The following TTN variants were observed in gnomAD, a reference collection of about 807,000 sequenced individuals.
TTN encodes the protein titin, also known as connectin.
A neutral mutation model predicts 3,223.0 loss-of-function variants in TTN; 1,525 were observed. That is an observed-to-expected ratio of 0.47 (90% CI 0.45 to 0.49). TTN has a LOEUF of 0.49. TTN is among the 20% of genes least tolerant of loss of function. The pLI is 0.00. For missense variants in TTN, 40,786 were observed against 43,424.0 expected (o/e 0.94, Z 5.40); for synonymous variants, 14,094 against 15,161.0 (o/e 0.93, Z 5.17).
intron 332 of TTN, 87 bp downstream of exon 332, chr2:178,554,365 TA>T: frequency 6.8e-7 from 1 of 1,470,414 alleles, no homozygotes. Context: ...AGGTGTTATA[TA>T]AAAGAAAATT....
In TTN at chr2:178,679,222, T is replaced by C. The variant is rs549972695; in HGVS notation, c.33742+117A>G. 7 of 1,077,322 alleles carry C rather than the reference T, an allele frequency of 6.5e-6. No individual in the cohort carries two copies. In the South Asian group the frequency reaches 7.1e-5, roughly 11 times the overall value. The allele number at this position is 1,077,322 out of a possible 1,614,324, so 66.7% of individuals were successfully genotyped here. ...GCTCCTGTGGCCAGTTGAGAGGCGC[T>C]TGTCATGGCATTAATGTTGTTAATA... On this transcript the variant is annotated intron_variant, in intron 142 of 362. Coordinates refer to ENST00000589042, the MANE Select transcript of TTN (RefSeq NM_001267550.2).
In TTN at chr2:178,748,113, T is replaced by C. The variant is rs759144725; in HGVS notation, c.11311+5011A>G. 5.6e-6 allele frequency: 9 copies of C among 1,613,248 alleles called. 1 individual carries two copies. The South Asian group carries it at 7.7e-5, about 14-fold the overall frequency. ...CTTGCTGCTTTTTTCAAATGTGAGA[T>C]GGAACTTCTGCCTCCATTTTCTAGA... On this transcript the variant is annotated intron_variant, in intron 47 of 362. Transcript: ENST00000589042.
intron 354 of TTN, 43 bp from the exon 355 acceptor site, chr2:178,537,960 A>C (rs1692388422): frequency 6.9e-7 from 1 of 1,455,506 alleles, no homozygotes; most frequent in African/African-American, 1.4e-5. Context: ...GTTAATACTC[A>C]ATCTGTAATC....
rs1196446020 is a variant in TTN, at chr2:178,543,187, G to A, written c.96786C>T (p.His32262=). ...VVTLKPTVLE[H]TVTSLNEGEQ... ...CACCTTCATTTAAGGAAGTAACAGT[G>A]TGCTCTAGGACTGTGGGTTTTAAGG... Residue 32262 remains histidine, a synonymous_variant, in exon 347 of 363, where the codon CAC becomes CAT. Coordinates refer to ENST00000589042, the MANE Select transcript of TTN (RefSeq NM_001267550.2). 6.2e-7 allele frequency: 1 copy of A among 1,613,614 alleles called. No homozygotes were observed. The highest frequency in any genetic ancestry group is 8.5e-7 in the Non-Finnish European group (1 of 1,179,680).
chr2:178,798,630 ACT>A (rs1464763390), intron 6 of TTN: 2 of 152,068 alleles, frequency 1.3e-5, no homozygotes, highest in African/African-American at 2.4e-5. Flanking sequence ...TCTTATTGTG[ACT>A]CTCTTTAATT....
chr2:178,639,673 CA>C (rs1263498770), intron 223 of TTN, 25 bp downstream of exon 223: 22 of 1,607,876 alleles, frequency 1.4e-5, no homozygotes, highest in African/African-American at 2.7e-5. Context: ...AACAAACTAG[CA>C]AAAAGAAAGC....
rs1157212859 is a variant in TTN at position 178,631,023 on chromosome 2, A to G, written c.44014+11T>C. On this transcript the variant is annotated intron_variant, in intron 237 of 362. Transcript: ENST00000589042. ...ATGCTTCAAGAGTGAAACTCATGGA[A>G]ATTTCCTTACCCTCAATGTCAAGTT... The G allele has an allele frequency of 3.7e-6, 6 of 1,612,874 alleles. No homozygotes were observed. The highest frequency in any genetic ancestry group is 5.1e-6 in the Non-Finnish European group (6 of 1,179,512).
At chr2:178,676,797 T>C (rs1178939564) in intron 147 of TTN, among the ~76,000 whole-genome samples, 1 of 151,918 alleles carries the variant, frequency 6.6e-6, no homozygotes, top group Non-Finnish European at 1.5e-5. Context: ...TCATCTTTTT[T>C]TCTTTTTAGC....
At chr2:178,606,599 T>A (rs1003129609) in intron 278 of TTN, among the ~76,000 whole-genome samples, 1 of 151,978 alleles carries the variant, frequency 6.6e-6, no homozygotes, top group Non-Finnish European at 1.5e-5. Context: ...GTATGGGGAC[T>A]TTTTGAATAT....
rs1406730478 is a variant in TTN at position 178,635,972 on chromosome 2, T to C, written c.41599A>G (p.Lys13867Glu). 3 of 1,595,970 alleles carry C rather than the reference T, an allele frequency of 1.9e-6. No homozygotes were observed. The highest frequency in any genetic ancestry group is 2.6e-6 in the Non-Finnish European group (3 of 1,169,144). ...CCAGGAAAGTACTAACCTACTACTT[T>C]TACGCAAGATGAACACTCCAGGTTG... ...ANNLECSSCV[K>E]VVEVIRDWLV... The change falls in exon 226 of 363, where the codon AAA (lysine) becomes GAA (glutamate). Residue 13867 changes from lysine to glutamate, a missense_variant. Transcript: ENST00000589042.
At chr2:178,778,223 C>A (rs762918311) in intron 24 of TTN, 26 of 516,694 alleles carry the variant, frequency 5.0e-5, no homozygotes, top group Admixed American at 9.7e-5. Context: ...GCTCAAAAAT[C>A]TTGGAATAAT....
At chr2:178,529,832 A>G (rs1688265032) in intron 359 of TTN, 128 bp downstream of exon 359, 5 of 1,036,298 alleles carry the variant, frequency 4.8e-6, no homozygotes, top group Non-Finnish European at 6.8e-6. Context: ...TACAAATTGT[A>G]TTCTGGAATT....
chr2:178,684,217 A>G, intron 132 of TTN, 113 bp downstream of exon 132: 2 of 1,382,272 alleles, frequency 1.4e-6, no homozygotes, highest in Non-Finnish European at 2.0e-6. Flanking sequence ...CTGTAACAAC[A>G]ACAACAACAT....
intron 100 of TTN, 76 bp from the exon 101 acceptor site, chr2:178,707,030 C>A: frequency 1.5e-6 from 2 of 1,328,792 alleles, no homozygotes; most frequent in South Asian, 1.4e-5. Flanking sequence ...GTAAAATAAG[C>A]CTTAGGAGGT....
chr2:178,598,110 T>A, intron 292 of TTN, 52 bp from the exon 293 acceptor site: 3 of 1,569,496 alleles, frequency 1.9e-6, no homozygotes, highest in Non-Finnish European at 2.6e-6. Context: ...TTGTAGCTTC[T>A]TGCTTTAATG....
At chr2:178,643,876 GA>G (rs1436050744) in intron 218 of TTN, among the ~76,000 whole-genome samples, 5 of 151,888 alleles carry the variant, frequency 3.3e-5, no homozygotes, top group Non-Finnish European at 5.9e-5. Context: ...CTACCCATTA[GA>G]AAAATTATGT....
At chr2:178,736,184 G>C in intron 49 of TTN, 110 bp from the exon 50 acceptor site, 2 of 983,398 alleles carry the variant, frequency 2.0e-6, no homozygotes, top group Non-Finnish European at 2.9e-6. Flanking sequence ...ATAGACATGA[G>C]CCATAATTTA....
At position 178,757,616 on chromosome 2, in the gene TTN, C is replaced by T; in HGVS notation, c.10604G>A (p.Gly3535Glu). Residue 3535 changes from glycine to glutamate, a missense_variant, in exon 45 of 363, where the codon GGG (glycine) becomes GAG (glutamate). Gly to Glu is a moderately conservative substitution (Grantham distance 98). Coordinates refer to ENST00000589042, the MANE Select transcript of TTN (RefSeq NM_001267550.2). ...LIVDAYSEHAGQYSCKAANSA... is the reference protein window; with the variant it reads ...LIVDAYSEHAEQYSCKAANSA... ...ATTGGCTGCTTTGCAAGAGTACTGCCCAGCATGCTCTGAGTAAGCATCAAC... is the reference window on the plus strand; with the variant it reads ...ATTGGCTGCTTTGCAAGAGTACTGCTCAGCATGCTCTGAGTAAGCATCAAC... 6.2e-7 allele frequency: 1 copy of T among 1,613,244 alleles called. No homozygotes were observed. Among genetic ancestry groups the T allele is most frequent in the Non-Finnish European group, 8.5e-7 (1 of 1,179,424 alleles).
chr2:178,669,762 T>A, intron 157 of TTN, 87 bp from the exon 158 acceptor site: 1 of 1,326,428 alleles, frequency 7.5e-7, no homozygotes, highest in Non-Finnish European at 1.1e-6. Flanking sequence ...TCTAACAAGA[T>A]GAACGCCAAA....
Sources: allele counts gnomAD v4.1 joint callset (sites outside exome capture counted in the v4.1 genomes callset), GRCh38; gene constraint gnomAD v4.1.1; transcripts MANE v1.5; gene names NCBI Gene and HGNC (gene_info 2026-07-23, HGNC 2026-07-21).